Variants in TBC1D19 observed in about 807,000 individuals in gnomAD.
The protein encoded by TBC1D19 is TBC1 domain family, member 19.
In TBC1D19, 60 loss-of-function variants were observed where a neutral mutation model predicts 89.0. The ratio of observed to expected loss-of-function variants is 0.67; its 90% CI spans 0.55 to 0.84. The LOEUF is 0.84. TBC1D19 is among the 40% of genes least tolerant of loss of function. The probability of loss-of-function intolerance (pLI) is 0.00; values close to 1 mark genes in which losing one functional copy is unlikely to be tolerated. For synonymous variants in TBC1D19, 189 were observed against 199.7 expected (o/e 0.95, Z 0.45); for missense variants, 500 against 610.8 (o/e 0.82, Z 1.91).
chr4:26,837,602 C>T, the TBC1D19 span, among the ~76,000 whole-genome samples: 1 of 152,210 alleles, frequency 6.6e-6, no homozygotes, highest in Admixed American at 6.5e-5. Context: ...ATTCCAATCT[C>T]TTAGCTCTTT....
At chr4:26,599,492 C>A (rs565755667) in intron 1 of TBC1D19, among the ~76,000 whole-genome samples, 43 of 151,982 alleles carry the variant, frequency 2.8e-4, no homozygotes, top group Non-Finnish European at 5.0e-4. Context: ...GATTTCCCCA[C>A]CCCCCACCAT....
At chr4:26,597,536 TTTTTTTTA>T (rs1740304777) in intron 1 of TBC1D19, among the ~76,000 whole-genome samples, 1 of 149,298 alleles carries the variant, frequency 6.7e-6, no homozygotes, top group Non-Finnish European at 1.5e-5. Context: ...TTTTTTTTTT[TTTTTTTTA>T]AGTAGAGACG....
chr4:26,695,926 G>A (rs959750114), intron 13 of TBC1D19, among the ~76,000 whole-genome samples: 4 of 152,148 alleles, frequency 2.6e-5, no homozygotes, highest in Non-Finnish European at 5.9e-5. Flanking sequence ...AAAGACCAGC[G>A]ATACTAGGAA....
intron 3 of TBC1D19, among the ~76,000 whole-genome samples, chr4:26,619,209 T>C (rs983333577): frequency 6.8e-6 from 1 of 147,668 alleles, no homozygotes; most frequent in African/African-American, 2.5e-5. Flanking sequence ...CTAAATTTCT[T>C]TTTTTTTTTT....
rs1314174619 is a variant in TBC1D19 at position 26,589,760 on chromosome 4, C to G, written c.99+5468C>G. On this transcript the variant is annotated intron_variant, in intron 1 of 20. Transcript: ENST00000264866. Reference sequence around the variant, plus strand: ...GAGGGTTTTTGTATCTATCCCACCCCCAAAAGCAGTGAATTACTGCCTTGT... The same window carrying G: ...GAGGGTTTTTGTATCTATCCCACCCGCAAAAGCAGTGAATTACTGCCTTGT... 3.9e-5 allele frequency among the ~76,000 whole-genome samples: 6 copies of G among 152,154 alleles called. No individual in the cohort carries two copies. The East Asian group carries it at 1.2e-3, about 29-fold the overall frequency.
rs116265832 is a variant in TBC1D19 at position 26,618,209 on chromosome 4, T to G, written c.219-2404T>G. Among the ~76,000 whole-genome samples, 497 of 152,320 alleles carry G rather than the reference T, an allele frequency of 3.3e-3. 1 individual carries two copies. The highest frequency in any genetic ancestry group is 0.012 in the African/African-American group (479 of 41,578). On this transcript the variant is annotated intron_variant, in intron 3 of 20. Transcript: ENST00000264866. ...TTACATCCCAGTTGGGCATACAGAC[T>G]TTAAAGAGGCAATTACAGTACAGTA...
the TBC1D19 span, among the ~76,000 whole-genome samples, chr4:26,851,311 A>ATCTGTCTGTCTGTCTG: frequency 7.8e-5 from 9 of 114,900 alleles, no homozygotes; most frequent in African/African-American, 2.6e-4. Flanking sequence ...TACCCTATCT[A>ATCTGTCTGTCTGTCTG]TCTATCTATC....
chr4:26,624,612 A>T (rs918851538), intron 4 of TBC1D19, among the ~76,000 whole-genome samples: 4 of 152,170 alleles, frequency 2.6e-5, no homozygotes, highest in Non-Finnish European at 4.4e-5. Flanking sequence ...CATCTAGTAC[A>T]CTGGCCTTTA....
chr4:26,601,067 T>G (rs1253798177), intron 1 of TBC1D19, among the ~76,000 whole-genome samples: 1 of 152,044 alleles, frequency 6.6e-6, no homozygotes, highest in Non-Finnish European at 1.5e-5. Flanking sequence ...AAAGGACATA[T>G]CCTTTTAAAA....
At chr4:26,666,304 A>G (rs1190005165) in intron 8 of TBC1D19, 29 bp from the exon 9 acceptor site, 2 of 1,572,618 alleles carry the variant, frequency 1.3e-6, no homozygotes, top group African/African-American at 1.3e-5. Flanking sequence ...TCTGAGATCT[A>G]TGTTAATTCT....
At chr4:26,687,120 G>T (rs1305430592) in intron 12 of TBC1D19, among the ~76,000 whole-genome samples, 3 of 152,120 alleles carry the variant, frequency 2.0e-5, no homozygotes, top group African/African-American at 7.2e-5. Context: ...GGGTCTAAAA[G>T]CATGGTATAG....
At chr4:26,694,528 C>T (rs987310650) in intron 13 of TBC1D19, among the ~76,000 whole-genome samples, 1 of 152,144 alleles carries the variant, frequency 6.6e-6, no homozygotes, top group Non-Finnish European at 1.5e-5. Flanking sequence ...CGTCCCTGTT[C>T]GACAGCTTGA....
At chr4:26,825,056 T>C in the TBC1D19 span, among the ~76,000 whole-genome samples, 1 of 152,114 alleles carries the variant, frequency 6.6e-6, no homozygotes, top group Non-Finnish European at 1.5e-5. Context: ...GTTGGCTATC[T>C]ATATTGATAT....
At chr4:26,698,637 A>C (rs1360837767) in intron 13 of TBC1D19, among the ~76,000 whole-genome samples, 4 of 152,204 alleles carry the variant, frequency 2.6e-5, no homozygotes, top group South Asian at 4.2e-4. Flanking sequence ...AGTAACCAAA[A>C]CAGCATGGTA....
chr4:26,686,417 TG>T (rs1273826565), intron 12 of TBC1D19, among the ~76,000 whole-genome samples: 1 of 151,936 alleles, frequency 6.6e-6, no homozygotes, highest in Non-Finnish European at 1.5e-5. Flanking sequence ...TTTTGTGTTT[TG>T]TTTTTTTTTT....
At chr4:26,596,161 T>C (rs1271392886) in intron 1 of TBC1D19, among the ~76,000 whole-genome samples, 1 of 152,118 alleles carries the variant, frequency 6.6e-6, no homozygotes, top group Non-Finnish European at 1.5e-5. Flanking sequence ...TTTGCCATGT[T>C]GGCCAGGCTG....
At chr4:26,580,417 T>C (rs1343619055), upstream of TBC1D19, among the ~76,000 whole-genome samples, 40 of 152,152 alleles carry the variant, frequency 2.6e-4, no homozygotes, top group Admixed American at 2.6e-3. Flanking sequence ...ATGAGCCAGT[T>C]TCTTTTTAAG....
intron 4 of TBC1D19, among the ~76,000 whole-genome samples, chr4:26,626,390 A>C (rs1261445047): frequency 1.3e-5 from 2 of 152,150 alleles, no homozygotes; most frequent in Non-Finnish European, 2.9e-5. Flanking sequence ...TTTCTTGTGA[A>C]ACAATACTAA....
intron 4 of TBC1D19, among the ~76,000 whole-genome samples, chr4:26,635,797 A>G (rs2110069291): frequency 6.6e-6 from 1 of 152,244 alleles, no homozygotes; most frequent in East Asian, 1.9e-4. Context: ...GTTGGGGACC[A>G]GGTGAGAAAA....
Sources: gnomAD v4.1 joint callset for allele counts (sites outside exome capture counted in the v4.1 genomes callset) on GRCh38, gnomAD v4.1.1 for gene constraint, MANE v1.5 for transcripts, NCBI Gene and HGNC (gene_info 2026-07-23, HGNC 2026-07-21) for gene names.